Variants in ANKH observed in about 807,000 individuals in gnomAD.
The protein encoded by ANKH is ANKH inorganic pyrophosphate transport regulator, also known as mineralization regulator ANKH.
ANKH carries 15 observed loss-of-function variants against 49.0 expected under a neutral mutation model. The observed-to-expected ratio is 0.31, with a 90% CI of 0.20 to 0.47. The LOEUF (loss-of-function observed/expected upper bound fraction) is 0.47. Among genes scored for constraint, ANKH ranks in the 20% least tolerant of loss-of-function variants. The probability of loss-of-function intolerance (pLI) is 1.00; values close to 1 mark genes in which losing one functional copy is unlikely to be tolerated. For synonymous variants in ANKH, 273 were observed against 260.0 expected (o/e 1.05, Z -0.48); for missense variants, 429 against 652.0 (o/e 0.66, Z 3.72).
Position 14,713,018 on chromosome 5 carries a change from C to A in ANKH, c.1266-45G>T. 1 of 1,569,140 alleles carries A rather than the reference C, an allele frequency of 6.4e-7. No individual in the cohort carries two copies. Among genetic ancestry groups the A allele is most frequent in the South Asian group, 1.1e-5 (1 of 87,160 alleles). On this transcript the variant is annotated intron_variant, in intron 10 of 11. Transcript: ENST00000284268. This position sits in a 1 kb window ranked among gnomAD's most constrained non-coding sequence, Gnocchi z 4.4. ...GGCAATTTGTCTGTTAAGGCCAAGT[C>A]AAGGCACAACCGTCGATGCCAAAAC...
Position 14,819,897 on chromosome 5 carries a change from AT to A in ANKH, c.97-50707del, listed in dbSNP as rs1412803975. Among the ~76,000 whole-genome samples, 20 of 94,228 alleles carry A rather than the reference AT, an allele frequency of 2.1e-4. 1 individual carries two copies. The highest frequency in any genetic ancestry group is 7.2e-4 in the South Asian group (2 of 2,766). The allele number at this position is 94,228 out of a possible 152,430, so 61.8% of individuals were successfully genotyped here. ...AACAACAACAACAACAACAACAAAA[AT>A]ATACACACACACACACACACACACA... On this transcript the variant is annotated intron_variant, in intron 1 of 11. Transcript: ENST00000284268.
At position 14,711,317 on chromosome 5, in the gene ANKH, C is replaced by A; in HGVS notation, c.1366-7G>T. 6.2e-7 allele frequency: 1 copy of A among 1,610,596 alleles called. No homozygotes were observed. The highest frequency in any genetic ancestry group is 1.7e-5 in the Admixed American group (1 of 60,008). On this transcript the variant is annotated splice_region_variant and splice_polypyrimidine_tract_variant and intron_variant, in intron 11 of 11. Coordinates refer to ENST00000284268, the MANE Select transcript of ANKH (RefSeq NM_054027.6). ...CATTCTCCATCTTCTTTTTCTAGAC[C>A]AAAGAAGACTCATCAGTGTGGGGCT...
At chr5:14,728,978 T>C (rs896689956) in intron 8 of ANKH, among the ~76,000 whole-genome samples, 5 of 152,018 alleles carry the variant, frequency 3.3e-5, no homozygotes, top group African/African-American at 4.8e-5. Flanking sequence ...GGACAGTAGG[T>C]AGAAATGGGA....
At chr5:14,750,159 C>T (rs187392354) in intron 5 of ANKH, among the ~76,000 whole-genome samples, 360 of 152,288 alleles carry the variant, frequency 2.4e-3, no homozygotes, top group African/African-American at 8.2e-3. Context: ...AAGTAATGTG[C>T]GGCCCAAGTA....
rs114905781 is a variant in ANKH at position 14,757,493 on chromosome 5, A to G, written c.432+987T>C. On this transcript the variant is annotated intron_variant, in intron 3 of 11. Transcript: ENST00000284268. ...TTATAAGACAGCAGAAGAGAATGAA[A>G]AGCACTGTTTAAGCACTCCTCAGAA... 9.5e-3 allele frequency among the ~76,000 whole-genome samples: 1,408 copies of G among 148,984 alleles called. 22 individuals are homozygous for G. The highest frequency in any genetic ancestry group is 0.033 in the African/African-American group (1,327 of 40,104).
chr5:14,757,430 A>ATATATTTTT (rs1379233165), intron 3 of ANKH, among the ~76,000 whole-genome samples: 1 of 113,818 alleles, frequency 8.8e-6, no homozygotes, highest in African/African-American at 3.3e-5. Flanking sequence ...ATATATATAT[A>ATATATTTTT]TTTTTTTTTT....
chr5:14,743,993 A>C (rs566652731), intron 7 of ANKH, among the ~76,000 whole-genome samples: 1 of 152,332 alleles, frequency 6.6e-6, no homozygotes, highest in Admixed American at 6.5e-5. Context: ...TGCCCTTCTC[A>C]TCAGTTTCAT....
intron 2 of ANKH, among the ~76,000 whole-genome samples, chr5:14,766,313 T>C (rs751729798): frequency 3.9e-5 from 6 of 152,172 alleles, no homozygotes; most frequent in Admixed American, 3.3e-4. Flanking sequence ...GGAGAATTGA[T>C]TGAGCCCACG....
chr5:14,815,870 T>C (rs1273547540), intron 1 of ANKH, among the ~76,000 whole-genome samples: 2 of 152,214 alleles, frequency 1.3e-5, no homozygotes, highest in African/African-American at 4.8e-5. Flanking sequence ...CTAGTGACTC[T>C]TGAGGCACAG....
intron 8 of ANKH, among the ~76,000 whole-genome samples, chr5:14,726,247 G>A (rs1737819743): frequency 6.6e-6 from 1 of 152,162 alleles, no homozygotes; most frequent in African/African-American, 2.4e-5. Flanking sequence ...AGCTGACGCA[G>A]CCATAAGGAA....
At position 14,709,918 on chromosome 5, in the gene ANKH, ATTTT is replaced by A. The variant is rs1414430603; in HGVS notation, c.*1275_*1278del. 2.0e-5 allele frequency: 3 copies of A among 152,422 alleles called. No homozygotes were observed. Among genetic ancestry groups the A allele is most frequent in the Non-Finnish European group, 4.4e-5 (3 of 68,030 alleles). The allele number at this position is 152,422 out of a possible 1,614,324, so 9.4% of individuals were successfully genotyped here. ...CAGCATATATTTATATCTTTAAAAT[ATTTT>A]TTTTTTTAGGTTCTTTCAGTCTAGG... On this transcript the variant is annotated 3_prime_UTR_variant, in exon 12 of 12. Transcript: ENST00000284268.
chr5:14,807,072 T>C (rs541724500), intron 1 of ANKH, among the ~76,000 whole-genome samples: 82 of 152,138 alleles, frequency 5.4e-4, no homozygotes, highest in African/African-American at 1.9e-3. Flanking sequence ...AGCTAATCAG[T>C]TATAGTTACA....
intron 8 of ANKH, among the ~76,000 whole-genome samples, chr5:14,729,626 G>A (rs1737932546): frequency 6.6e-6 from 1 of 152,120 alleles, no homozygotes. Flanking sequence ...TGCCTTCCAA[G>A]AAGAGGTGGT....
intron 8 of ANKH, among the ~76,000 whole-genome samples, chr5:14,720,109 A>T (rs1297763337): frequency 2.1e-5 from 3 of 145,414 alleles, no homozygotes; most frequent in African/African-American, 7.9e-5. Context: ...TTGAAATATT[A>T]AAAAAAAAAT....
At chr5:14,765,661 C>A (rs1272531444) in intron 2 of ANKH, among the ~76,000 whole-genome samples, 2 of 152,094 alleles carry the variant, frequency 1.3e-5, no homozygotes, top group African/African-American at 4.8e-5. Context: ...TACAGTAAAT[C>A]TAATGAAAAG....
chr5:14,871,398 A>C lies in ANKH; in HGVS notation c.50T>G (p.Leu17Trp), dbSNP rs747776641. Residue 17 changes from leucine to tryptophan, a missense_variant, in exon 1 of 12, where the codon TTG becomes TGG. Leu to Trp is a moderately conservative substitution (Grantham distance 61). This residue lies in a region of ANKH where 378 missense variants were observed against 615.3 expected (regional missense o/e 0.61). Transcript: ENST00000284268. Reference protein sequence around the residue: ...LTHYWPLIRFLVPLGITNIAI... With the variant: ...LTHYWPLIRFWVPLGITNIAI... ...TATGTTGGTGATGCCCAGGGGCACC[A>C]AGAACCGGATCAGGGGCCAGTAGTG... 6.2e-7 allele frequency: 1 copy of C among 1,613,316 alleles called. No homozygotes were observed. The highest frequency in any genetic ancestry group is 8.5e-7 in the Non-Finnish European group (1 of 1,179,714).
chr5:14,781,431 C>T (rs1322864355), intron 1 of ANKH, among the ~76,000 whole-genome samples: 5 of 152,302 alleles, frequency 3.3e-5, no homozygotes, highest in African/African-American at 9.6e-5. Flanking sequence ...CAGTCACCTC[C>T]CACACCTGGA....
At chr5:14,786,637 T>C (rs1739984819) in intron 1 of ANKH, among the ~76,000 whole-genome samples, 1 of 152,154 alleles carries the variant, frequency 6.6e-6, no homozygotes, top group South Asian at 2.1e-4. Context: ...AACAAGATGG[T>C]TGTCAAATTT....
intron 1 of ANKH, among the ~76,000 whole-genome samples, chr5:14,793,047 T>TATATATAAAA (rs1209292505): frequency 1.4e-4 from 9 of 64,740 alleles, no homozygotes; most frequent in Admixed American, 9.0e-4. Context: ...AATATATATA[T>TATATATAAAA]AAATATATAT....
Sources: allele counts gnomAD v4.1 joint callset (sites outside exome capture counted in the v4.1 genomes callset), GRCh38; gene constraint gnomAD v4.1.1; regional missense constraint gnomAD v4.1.1; non-coding constraint Gnocchi (gnomAD v3.1); transcripts MANE v1.5; gene names NCBI Gene and HGNC (gene_info 2026-07-23, HGNC 2026-07-21).